CDH10: variants seen among roughly 807,000 people sequenced by gnomAD.
CDH10 encodes cadherin 10.
CDH10 carries 30 observed loss-of-function variants against 73.1 expected under a neutral mutation model. The ratio of observed to expected loss-of-function variants is 0.41; its 90% CI spans 0.31 to 0.56. The LOEUF (loss-of-function observed/expected upper bound fraction) is 0.56. Ranked by LOEUF, CDH10 falls within the 20% of genes least tolerant of loss-of-function variation. CDH10 has a pLI of 0.27. For missense variants in CDH10, 815 were observed against 973.7 expected (o/e 0.84, Z 2.17); for synonymous variants, 345 against 348.2 (o/e 0.99, Z 0.10).
rs1456089928 is a variant in CDH10 at position 24,535,267 on chromosome 5, G to A, written c.659C>T (p.Thr220Ile). 6.2e-7 allele frequency: 1 copy of A among 1,609,870 alleles called. No individual in the cohort carries two copies. Among genetic ancestry groups the A allele is most frequent in the Non-Finnish European group, 8.5e-7 (1 of 1,178,818 alleles). The change falls in exon 5 of 12, where the codon ACT becomes ATT. Residue 220 changes from threonine to isoleucine, a missense_variant. Transcript: ENST00000264463. ...TTCTCTGTTCATGTTCGGTAAAGCAGTCCTGATGATACCTTGAGAAAATAT... is the reference window on the plus strand; with the variant it reads ...TTCTCTGTTCATGTTCGGTAAAGCAATCCTGATGATACCTTGAGAAAATAT... ...SVEPETGIIR[T>I]ALPNMNRENR...
At chr5:24,543,202 C>T (rs978738026) in intron 2 of CDH10, among the ~76,000 whole-genome samples, 1 of 151,992 alleles carries the variant, frequency 6.6e-6, no homozygotes, top group Non-Finnish European at 1.5e-5. Context: ...ACTTATATTG[C>T]TTATATTATT....
chr5:24,601,874 A>T (rs892797490), intron 1 of CDH10, among the ~76,000 whole-genome samples: 22 of 152,134 alleles, frequency 1.4e-4, no homozygotes, highest in African/African-American at 4.8e-4. Flanking sequence ...CACTCATTAC[A>T]TTCACACCCT....
chr5:24,513,071 G>A (rs1742982445), intron 5 of CDH10, among the ~76,000 whole-genome samples: 1 of 149,362 alleles, frequency 6.7e-6, no homozygotes, highest in South Asian at 2.1e-4. Context: ...CAGTGCTGGA[G>A]TGCAGTGACA....
chr5:24,518,482 T>G (rs992347499), intron 5 of CDH10, among the ~76,000 whole-genome samples: 3 of 152,052 alleles, frequency 2.0e-5, no homozygotes, highest in African/African-American at 7.2e-5. Flanking sequence ...TACACGTAAA[T>G]ATATGAGTGT....
intron 1 of CDH10, among the ~76,000 whole-genome samples, chr5:24,621,188 AAT>A (rs1314093723): frequency 6.6e-6 from 1 of 152,112 alleles, no homozygotes; most frequent in Non-Finnish European, 1.5e-5. Flanking sequence ...CTACAGTGCC[AAT>A]GAGTGTCAGA....
At chr5:24,488,600 A>G (rs1303173330) in intron 11 of CDH10, among the ~76,000 whole-genome samples, 1 of 152,152 alleles carries the variant, frequency 6.6e-6, no homozygotes, top group East Asian at 1.9e-4. Flanking sequence ...CATTTACACA[A>G]TAGCAAAAAG....
chr5:24,588,143 T>C (rs1337042351), intron 2 of CDH10, among the ~76,000 whole-genome samples: 1 of 152,228 alleles, frequency 6.6e-6, no homozygotes, highest in African/African-American at 2.4e-5. Flanking sequence ...ATCAGGAAGA[T>C]ATTTATAATC....
intron 1 of CDH10, among the ~76,000 whole-genome samples, chr5:24,627,837 C>T (rs945004338): frequency 6.6e-5 from 10 of 151,920 alleles, no homozygotes; most frequent in Non-Finnish European, 8.8e-5. Flanking sequence ...TTTACATATA[C>T]GAACAGTATG....
chr5:24,627,744 C>A (rs1024957589), intron 1 of CDH10, among the ~76,000 whole-genome samples: 15 of 152,028 alleles, frequency 9.9e-5, no homozygotes, highest in African/African-American at 3.6e-4. Context: ...TAATAGCTAT[C>A]CTTTATTTAT....
intron 2 of CDH10, among the ~76,000 whole-genome samples, chr5:24,561,044 T>C (rs1744943779): frequency 6.6e-6 from 1 of 152,114 alleles, no homozygotes; most frequent in South Asian, 2.1e-4. Context: ...CTTGCAATAG[T>C]GTTGAGTAGA....
In CDH10 at chr5:24,631,747, CA is replaced by C. The variant is rs1017276160; in HGVS notation, c.-124+12846del. Among the ~76,000 whole-genome samples, 5 of 151,832 alleles carry C rather than the reference CA, an allele frequency of 3.3e-5. No homozygotes were observed. The East Asian group carries it at 9.7e-4, about 29-fold the overall frequency. On this transcript the variant is annotated intron_variant, in intron 1 of 11. Transcript: ENST00000264463. ...ATTTCCATTTCATTGAGAAAGGGGACAAAAAAATCTCATCTACATCCATTTC... is the reference window on the plus strand; with the variant it reads ...ATTTCCATTTCATTGAGAAAGGGGACAAAAAATCTCATCTACATCCATTTC...
intron 5 of CDH10, among the ~76,000 whole-genome samples, 153 bp from the exon 6 acceptor site, chr5:24,511,667 G>C (rs938352796): frequency 6.6e-6 from 1 of 151,654 alleles, no homozygotes; most frequent in African/African-American, 2.4e-5. Context: ...ATCAGATGTT[G>C]ACAAATGATG....
chr5:24,522,269 A>G (rs1356078512), intron 5 of CDH10, among the ~76,000 whole-genome samples: 2 of 152,194 alleles, frequency 1.3e-5, no homozygotes, highest in Non-Finnish European at 2.9e-5. Flanking sequence ...ATTGAACAAT[A>G]TTATCAAAAT....
At chr5:24,638,439 CAA>C (rs528503429) in intron 1 of CDH10, among the ~76,000 whole-genome samples, 2 of 151,044 alleles carry the variant, frequency 1.3e-5, no homozygotes, top group Admixed American at 6.6e-5. Flanking sequence ...TAGTTGAAAA[CAA>C]AAAAAGGAAA....
At chr5:24,536,533 T>C (rs961269887) in intron 3 of CDH10, among the ~76,000 whole-genome samples, 13 of 152,074 alleles carry the variant, frequency 8.5e-5, no homozygotes, top group African/African-American at 3.1e-4. Flanking sequence ...ATTTGAGAAG[T>C]GTCTATTCTC....
intron 1 of CDH10, among the ~76,000 whole-genome samples, chr5:24,610,134 G>A (rs1442411154): frequency 6.6e-6 from 1 of 152,176 alleles, no homozygotes; most frequent in East Asian, 1.9e-4. Context: ...TTTATCCTGA[G>A]ACAGTTCTGC....
rs888744381 is a variant in CDH10 at position 24,605,426 on chromosome 5, T to C, written c.-123-11813A>G. Reference sequence around the variant, plus strand: ...GAACTGCACAGGCAAGGGATCCAGTTTGCACACTCCTTATGAGAATCTCAT... The same window carrying C: ...GAACTGCACAGGCAAGGGATCCAGTCTGCACACTCCTTATGAGAATCTCAT... On this transcript the variant is annotated intron_variant, in intron 1 of 11. Transcript: ENST00000264463. Among the ~76,000 whole-genome samples the C allele has an allele frequency of 7.9e-5, 12 of 152,258 alleles. No individual in the cohort carries two copies. The South Asian group carries it at 8.3e-4, about 11-fold the overall frequency.
At chr5:24,584,773 A>G (rs1332067008) in intron 2 of CDH10, among the ~76,000 whole-genome samples, 1 of 151,184 alleles carries the variant, frequency 6.6e-6, no homozygotes, top group Non-Finnish European at 1.5e-5. Flanking sequence ...CCGACCTCAC[A>G]TCCCTTTTTA....
At chr5:24,522,920 A>G (rs1743394589) in intron 5 of CDH10, among the ~76,000 whole-genome samples, 1 of 152,072 alleles carries the variant, frequency 6.6e-6, no homozygotes, top group African/African-American at 2.4e-5. Context: ...CTTAAACAAT[A>G]AAAAAAATTT....
Sources: gnomAD v4.1 joint callset for allele counts (sites outside exome capture counted in the v4.1 genomes callset) on GRCh38, gnomAD v4.1.1 for gene constraint, MANE v1.5 for transcripts, NCBI Gene and HGNC (gene_info 2026-07-23, HGNC 2026-07-21) for gene names.